Variants in AUTS2 observed in about 807,000 individuals in gnomAD.
The protein encoded by AUTS2 is activator of transcription and developmental regulator AUTS2.
Under a neutral mutation model 112.4 loss-of-function variants are expected in AUTS2, and 17 were observed. The observed-to-expected ratio is 0.15, with a 90% CI of 0.10 to 0.23. AUTS2 has a LOEUF of 0.23. AUTS2 is among the 10% of genes least tolerant of loss of function. AUTS2 has a pLI of 1.00. For missense variants in AUTS2, 1,510 were observed against 1,701.6 expected, an observed-to-expected ratio of 0.89 and a Z score of 1.98; for synonymous variants, 751 against 702.7, an observed-to-expected ratio of 1.07 and a Z score of -1.09.
At chr7:70,568,169 A>G (rs1358011334) in intron 5 of AUTS2, among the ~76,000 whole-genome samples, 1 of 152,152 alleles carries the variant, frequency 6.6e-6, no homozygotes, top group Non-Finnish European at 1.5e-5. Context: ...TTCTTTGCAC[A>G]TGTTCACTTT....
At chr7:70,583,534 C>T (rs1802550519) in intron 5 of AUTS2, among the ~76,000 whole-genome samples, 1 of 152,088 alleles carries the variant, frequency 6.6e-6, no homozygotes, top group South Asian at 2.1e-4. Flanking sequence ...GGTAGTGATT[C>T]ATGGGTGTGA....
intron 1 of AUTS2, among the ~76,000 whole-genome samples, chr7:69,724,227 A>G (rs1786391910): frequency 6.6e-6 from 1 of 152,166 alleles, no homozygotes; most frequent in Non-Finnish European, 1.5e-5. Context: ...TTGTCTGTAA[A>G]ATGATTAAAT....
intron 1 of AUTS2, among the ~76,000 whole-genome samples, chr7:69,670,536 T>G (rs1796270824): frequency 7.8e-6 from 1 of 128,046 alleles, no homozygotes; most frequent in African/African-American, 3.1e-5. Flanking sequence ...GTAACATGGT[T>G]GTTTTTTACT....
chr7:69,947,841 G>C (rs1796875838), intron 2 of AUTS2, among the ~76,000 whole-genome samples: 1 of 152,152 alleles, frequency 6.6e-6, no homozygotes, highest in African/African-American at 2.4e-5. Flanking sequence ...ATTGATCTAA[G>C]GTAGGTACGG....
chr7:69,908,644 G>A (rs988748450), intron 2 of AUTS2, among the ~76,000 whole-genome samples: 1 of 152,180 alleles, frequency 6.6e-6, no homozygotes, highest in African/African-American at 2.4e-5. Context: ...TCTCCTATGT[G>A]CCTGCCTGCA....
chr7:70,146,638 A>G (rs566276616), intron 4 of AUTS2, among the ~76,000 whole-genome samples: 3 of 152,250 alleles, frequency 2.0e-5, no homozygotes, highest in East Asian at 3.9e-4. Flanking sequence ...ATGAGCCTGA[A>G]TAATAAAGGA....
At chr7:70,037,409 G>C (rs971231228) in intron 2 of AUTS2, among the ~76,000 whole-genome samples, 1 of 152,160 alleles carries the variant, frequency 6.6e-6, no homozygotes, top group Non-Finnish European at 1.5e-5. Context: ...GGCAGGAAAA[G>C]TAAGTAACTG....
intron 1 of AUTS2, among the ~76,000 whole-genome samples, chr7:69,677,957 G>A (rs542956568): frequency 6.6e-6 from 1 of 152,236 alleles, no homozygotes; most frequent in Non-Finnish European, 1.5e-5. Flanking sequence ...GGACCTCTAC[G>A]AGTTCTCTGG....
chr7:70,278,349 C>G (rs1204675673), intron 4 of AUTS2, among the ~76,000 whole-genome samples: 4 of 152,050 alleles, frequency 2.6e-5, no homozygotes, highest in African/African-American at 4.8e-5. Flanking sequence ...GAGGCTGAGG[C>G]AGGAGGATCG....
intron 4 of AUTS2, among the ~76,000 whole-genome samples, chr7:70,287,164 G>T (rs1788496678): frequency 1.3e-5 from 2 of 152,106 alleles, no homozygotes; most frequent in Non-Finnish European, 2.9e-5. Context: ...AGATTCGCTG[G>T]ATCTCTGTAT....
At chr7:69,936,596 G>C (rs1796422819) in intron 2 of AUTS2, among the ~76,000 whole-genome samples, 1 of 152,142 alleles carries the variant, frequency 6.6e-6, no homozygotes, top group African/African-American at 2.4e-5. Context: ...TAATCCACCA[G>C]CCTAGGCCTC....
Position 70,708,899 on chromosome 7 carries a change from G to T in AUTS2, c.742+10279G>T, listed in dbSNP as rs887294539. Among the ~76,000 whole-genome samples the T allele has an allele frequency of 3.3e-5, 5 of 149,950 alleles. 1 individual carries two copies. The highest frequency in any genetic ancestry group is 1.2e-4 in the African/African-American group (5 of 40,866). The stretch of plus-strand genomic sequence containing the variant: ...CACTTTTTTCACGTTTCTTCAGTTA[G>T]ATTTTATTGTTTAAATACTTTTTTT... On this transcript the variant is annotated intron_variant, in intron 6 of 18. Coordinates refer to ENST00000342771, the MANE Select transcript of AUTS2 (RefSeq NM_015570.4).
chr7:70,552,288 G>A (rs1024344186), intron 5 of AUTS2, among the ~76,000 whole-genome samples: 3 of 152,140 alleles, frequency 2.0e-5, no homozygotes, highest in African/African-American at 7.2e-5. Flanking sequence ...TTCCCTCCCA[G>A]AAGCTAAGAA....
At chr7:70,465,507 G>A (rs1033134006) in intron 5 of AUTS2, among the ~76,000 whole-genome samples, 13 of 152,186 alleles carry the variant, frequency 8.5e-5, no homozygotes, top group Admixed American at 2.6e-4. Context: ...TTACAACCTG[G>A]CCTCTTGAAG....
intron 5 of AUTS2, among the ~76,000 whole-genome samples, chr7:70,489,267 C>A (rs1039471489): frequency 6.6e-6 from 1 of 152,158 alleles, no homozygotes. Context: ...AAAGGAACAA[C>A]TGGATGAATG....
chr7:70,417,020 A>G (rs1795015045), intron 4 of AUTS2, among the ~76,000 whole-genome samples: 1 of 152,182 alleles, frequency 6.6e-6, no homozygotes, highest in Admixed American at 6.5e-5. Flanking sequence ...GTGGGCCAGC[A>G]GGGCCCCCAG....
Position 70,236,769 on chromosome 7 carries a change from T to C in AUTS2, c.660+102198T>C, listed in dbSNP as rs1425941467. 3.3e-5 allele frequency among the ~76,000 whole-genome samples: 5 copies of C among 152,184 alleles called. No homozygotes were observed. The East Asian group carries it at 5.8e-4, about 18-fold the overall frequency. On this transcript the variant is annotated intron_variant, in intron 4 of 18. Transcript: ENST00000342771. ...TGCATTCCACTCCTCGTTGTTATTT[T>C]CTCTGTCCAGTACACATGGTGCTCC... is the stretch of plus-strand genomic sequence containing the variant.
chr7:69,708,968 A>G (rs1268994950), intron 1 of AUTS2, among the ~76,000 whole-genome samples: 1 of 152,308 alleles, frequency 6.6e-6, no homozygotes, highest in East Asian at 1.9e-4. Flanking sequence ...AGCTCTGCCA[A>G]AAGTAGCTCA....
At chr7:69,894,356 C>T (rs1794659158) in intron 1 of AUTS2, among the ~76,000 whole-genome samples, 4 of 114,090 alleles carry the variant, frequency 3.5e-5, no homozygotes, top group Admixed American at 3.4e-4. Context: ...TTTTTTTTAT[C>T]TTTACCCTGT....
Sources: gnomAD v4.1 joint callset for allele counts (sites outside exome capture counted in the v4.1 genomes callset) on GRCh38, gnomAD v4.1.1 for gene constraint, MANE v1.5 for transcripts, NCBI Gene and HGNC (gene_info 2026-07-23, HGNC 2026-07-21) for gene names.